Variants in HOMER1 observed in about 807,000 individuals in gnomAD.
HOMER1 encodes the protein homer protein homolog 1.
HOMER1 carries 3 observed loss-of-function variants against 48.9 expected under a neutral mutation model. That is an observed-to-expected ratio of 0.06 (90% CI 0.03 to 0.16). HOMER1 has a LOEUF of 0.16. Among genes scored for constraint, HOMER1 ranks in the 10% least tolerant of loss-of-function variants. The pLI is 1.00. For synonymous variants in HOMER1, 134 were observed against 146.4 expected (o/e 0.92, Z 0.61); for missense variants, 247 against 411.4 (o/e 0.60, Z 3.46).
At chr5:79,459,305 C>A (rs746346515) in intron 1 of HOMER1, among the ~76,000 whole-genome samples, 3 of 152,126 alleles carry the variant, frequency 2.0e-5, no homozygotes, top group Non-Finnish European at 4.4e-5. Context: ...GTTTTCAGTA[C>A]GGTAAAGACT....
intron 4 of HOMER1, among the ~76,000 whole-genome samples, chr5:79,446,804 ATT>A (rs35036295): frequency 1.1e-4 from 11 of 101,700 alleles, no homozygotes; most frequent in Admixed American, 2.4e-4. Flanking sequence ...CACTTGGCTA[ATT>A]TTTTTTTTTT....
At chr5:79,408,510 G>A (rs560400063) in intron 5 of HOMER1, among the ~76,000 whole-genome samples, 2 of 152,058 alleles carry the variant, frequency 1.3e-5, no homozygotes, top group Admixed American at 6.6e-5. Flanking sequence ...ATGATAATAC[G>A]AAGGAGAAAT....
intron 1 of HOMER1, among the ~76,000 whole-genome samples, chr5:79,466,383 T>A (rs901953994): frequency 6.6e-6 from 1 of 151,952 alleles, no homozygotes; most frequent in Admixed American, 6.6e-5. Context: ...GGCGCACACC[T>A]GTGGTCCCAG....
intron 6 of HOMER1, among the ~76,000 whole-genome samples, chr5:79,399,187 G>A (rs1166575787): frequency 6.6e-6 from 1 of 152,188 alleles, no homozygotes; most frequent in Non-Finnish European, 1.5e-5. Context: ...GAAGGACCTG[G>A]TGAGTAACCA....
intron 5 of HOMER1, among the ~76,000 whole-genome samples, chr5:79,421,823 G>A (rs1269967447): frequency 1.3e-5 from 2 of 151,898 alleles, no homozygotes; most frequent in Non-Finnish European, 2.9e-5. Flanking sequence ...GGCCACACTG[G>A]TCTCAAACTC....
At chr5:79,393,328 A>G (rs1313091608) in intron 8 of HOMER1, among the ~76,000 whole-genome samples, 1 of 152,160 alleles carries the variant, frequency 6.6e-6, no homozygotes, top group Admixed American at 6.5e-5. Flanking sequence ...TAGTCCTTAA[A>G]TTGGGAAGTC....
chr5:79,472,439 C>T (rs1369828846), intron 1 of HOMER1, among the ~76,000 whole-genome samples: 1 of 152,074 alleles, frequency 6.6e-6, no homozygotes, highest in Non-Finnish European at 1.5e-5. Flanking sequence ...CTGAATATGA[C>T]ATGATTTACA....
chr5:79,496,734 C>G (rs1198605421), intron 1 of HOMER1, among the ~76,000 whole-genome samples: 1 of 151,908 alleles, frequency 6.6e-6, no homozygotes, highest in Non-Finnish European at 1.5e-5. Flanking sequence ...ACTAAACGAA[C>G]AAGAAAGGAA....
chr5:79,462,201 AAAACAAAC>A (rs766716429), intron 1 of HOMER1, among the ~76,000 whole-genome samples: 2 of 152,312 alleles, frequency 1.3e-5, no homozygotes, highest in African/African-American at 4.8e-5. Flanking sequence ...CTCCATCTCA[AAAACAAAC>A]AAACAAACAA....
chr5:79,383,318 C>A (rs1749027553), intron 8 of HOMER1, among the ~76,000 whole-genome samples: 1 of 151,734 alleles, frequency 6.6e-6, no homozygotes, highest in Non-Finnish European at 1.5e-5. Flanking sequence ...GACAGAAAAT[C>A]AACAAAGAAT....
intron 1 of HOMER1, among the ~76,000 whole-genome samples, chr5:79,507,192 G>C (rs1278078246): frequency 8.8e-6 from 1 of 114,164 alleles, no homozygotes; most frequent in Non-Finnish European, 1.6e-5. Context: ...CAGCCTGGGT[G>C]ACAGAGTGAG....
At chr5:79,481,783 C>A (rs1382346815) in intron 1 of HOMER1, among the ~76,000 whole-genome samples, 1 of 152,200 alleles carries the variant, frequency 6.6e-6, no homozygotes, top group Non-Finnish European at 1.5e-5. Context: ...ATAAAGGCAT[C>A]TCCTCAGTAA....
intron 1 of HOMER1, among the ~76,000 whole-genome samples, chr5:79,507,345 A>C (rs1242172775): frequency 6.6e-6 from 1 of 152,188 alleles, no homozygotes; most frequent in Non-Finnish European, 1.5e-5. Flanking sequence ...TAAAATCTAA[A>C]TAAATATTCC....
In HOMER1 at chr5:79,507,334, C is replaced by G. The variant is rs540107097; in HGVS notation, c.5+5436G>C. ...TCAATTCTTCTAGATGGTAGATGGG[C>G]TAAAATCTAAATAAATATTCCTTAT... On this transcript the variant is annotated intron_variant, in intron 1 of 8. Coordinates refer to ENST00000334082, the MANE Select transcript of HOMER1 (RefSeq NM_004272.5). Among the ~76,000 whole-genome samples, 111 of 151,024 alleles carry G rather than the reference C, an allele frequency of 7.3e-4. 1 individual carries two copies. The highest frequency in any genetic ancestry group is 2.6e-3 in the African/African-American group (107 of 41,096).
At chr5:79,496,979 T>C (rs1305464610) in intron 1 of HOMER1, among the ~76,000 whole-genome samples, 2 of 149,154 alleles carry the variant, frequency 1.3e-5, no homozygotes, top group South Asian at 2.1e-4. Context: ...GGCAGAAGAA[T>C]TGCCTGAACC....
At chr5:79,484,653 C>T (rs1752045977) in intron 1 of HOMER1, among the ~76,000 whole-genome samples, 1 of 152,106 alleles carries the variant, frequency 6.6e-6, no homozygotes. Flanking sequence ...TTGAAGACCA[C>T]CTTAAAAATC....
intron 1 of HOMER1, among the ~76,000 whole-genome samples, chr5:79,483,332 C>CA (rs983182484): frequency 1.4e-4 from 21 of 151,876 alleles, no homozygotes; most frequent in African/African-American, 4.6e-4. Flanking sequence ...TTCTACCCAG[C>CA]AAAAAACATC....
intron 3 of HOMER1, among the ~76,000 whole-genome samples, chr5:79,449,880 A>G (rs146982252): frequency 2.6e-3 from 398 of 152,364 alleles, no homozygotes; most frequent in African/African-American, 9.4e-3. Context: ...TATCCAAAAG[A>G]TAACAAAAAC....
rs55724615 is a variant in HOMER1 at position 79,471,551 on chromosome 5, GAAAAA to G, written c.6-14538_6-14534del. On this transcript the variant is annotated intron_variant, in intron 1 of 8. Coordinates refer to ENST00000334082, the MANE Select transcript of HOMER1 (RefSeq NM_004272.5). The stretch of plus-strand genomic sequence containing the variant: ...AATAAGAGCAAAACTCCATCTCAAA[GAAAAA>G]AAAAAAAAAAAAAAAAAGAAAGAAA... 2.0e-4 allele frequency among the ~76,000 whole-genome samples: 20 copies of G among 97,676 alleles called. No individual in the cohort carries two copies. The South Asian group carries it at 5.6e-3, about 28-fold the overall frequency. 64.1% of individuals were successfully genotyped at this position (97,676 alleles called of 152,430 possible).
Sources: allele counts gnomAD v4.1 joint callset (sites outside exome capture counted in the v4.1 genomes callset), GRCh38; gene constraint gnomAD v4.1.1; transcripts MANE v1.5; gene names NCBI Gene and HGNC (gene_info 2026-07-23, HGNC 2026-07-21).